G3BP2: variants seen among roughly 807,000 people sequenced by gnomAD.
G3BP2 encodes G3BP stress granule assembly factor 2, also known as ras GTPase-activating protein-binding protein 2.
A neutral mutation model predicts 56.7 loss-of-function variants in G3BP2; 11 were observed. The observed-to-expected ratio is 0.19, with a 90% CI of 0.12 to 0.32. G3BP2 has a LOEUF of 0.32. G3BP2 is among the 10% of genes least tolerant of loss of function. The pLI, the probability that G3BP2 is intolerant of heterozygous loss-of-function variation, is 1.00. For missense variants in G3BP2, 340 were observed against 610.9 expected (o/e 0.56, Z 4.67); for synonymous variants, 165 against 191.6 (o/e 0.86, Z 1.15).
chr4:75,659,058 C>T (rs528351624), intron 2 of G3BP2, 134 bp from the exon 3 acceptor site: 1 of 681,234 alleles, frequency 1.5e-6, no homozygotes, highest in African/African-American at 1.8e-5. Flanking sequence ...AGGTAAGTTA[C>T]TTAAGGTCTT....
intron 3 of G3BP2, among the ~76,000 whole-genome samples, chr4:75,680,530 T>C (rs1734031493): frequency 6.6e-6 from 1 of 152,192 alleles, no homozygotes; most frequent in Non-Finnish European, 1.5e-5. Context: ...ATTCCTGTTA[T>C]AAAACCGAGG....
chr4:75,655,843 T>C lies in G3BP2; in HGVS notation c.470A>G (p.Gln157Arg). 9 of 1,588,764 alleles carry C rather than the reference T, an allele frequency of 5.7e-6. No homozygotes were observed. Among genetic ancestry groups the C allele is most frequent in the Non-Finnish European group, 7.8e-6 (9 of 1,156,972 alleles). Residue 157 changes from glutamine (Q) to arginine (R), a missense_variant, in exon 6 of 12, where the codon CAA becomes CGA. This residue lies in a region of G3BP2 where 224 missense variants were observed against 332.5 expected (regional missense o/e 0.67). Coordinates refer to ENST00000359707, the MANE Select transcript of G3BP2 (RefSeq NM_203505.3). The part of the protein sequence containing the change: ...EESEDEVEEE[Q>R]EERQPSPEPV... Reference sequence around the variant, plus strand: ...TTCAGGAGATGGTTGTCTTTCTTCTTGTTCCTCTTCTACTTCATCTTCTGA... The same window carrying C: ...TTCAGGAGATGGTTGTCTTTCTTCTCGTTCCTCTTCTACTTCATCTTCTGA...
rs540192237 is a variant in G3BP2, at chr4:75,687,338, C to T, written c.-24-25289G>A. On this transcript the variant is annotated intron_variant, in intron 3 of 3. Transcript: ENST00000499709. ...CCTGCACAGGCTTTCTGTCTTTGCC[C>T]TCTGCCATCCATGTAAGACATGACT... 2.0e-4 allele frequency among the ~76,000 whole-genome samples: 30 copies of T among 152,282 alleles called. No homozygotes were observed. In the South Asian group the frequency reaches 6.2e-3, roughly 32 times the overall value.
intron 3 of G3BP2, among the ~76,000 whole-genome samples, chr4:75,683,420 T>C (rs1316522186): frequency 6.6e-6 from 1 of 151,900 alleles, no homozygotes; most frequent in Non-Finnish European, 1.5e-5. Context: ...AAAAATTAGC[T>C]GGGCGTGGTG....
intron 1 of G3BP2, among the ~76,000 whole-genome samples, chr4:75,666,954 A>C (rs1418591999): frequency 6.6e-6 from 1 of 152,162 alleles, no homozygotes; most frequent in Non-Finnish European, 1.5e-5. Context: ...TTGAGAAGAA[A>C]TCCCCGGTCA....
At chr4:75,692,053 T>C (rs760559353) in intron 3 of G3BP2, among the ~76,000 whole-genome samples, 3 of 152,204 alleles carry the variant, frequency 2.0e-5, no homozygotes, top group African/African-American at 7.2e-5. Flanking sequence ...CTAGGGCATA[T>C]TAGGTTTTTA....
chr4:75,712,705 A>G (rs979694704), intron 3 of G3BP2, among the ~76,000 whole-genome samples: 2 of 152,188 alleles, frequency 1.3e-5, no homozygotes, highest in Non-Finnish European at 2.9e-5. Context: ...AAAAGTGAAC[A>G]ATTATCTTGA....
chr4:75,694,038 G>A (rs1253814616), intron 3 of G3BP2, among the ~76,000 whole-genome samples: 1 of 152,088 alleles, frequency 6.6e-6, no homozygotes, highest in Admixed American at 6.6e-5. Context: ...ACTATGCCCA[G>A]CCATATCTGA....
chr4:75,660,791 C>T (rs13141390), intron 2 of G3BP2, among the ~76,000 whole-genome samples: 35,176 of 152,036 alleles, frequency 0.23, 4,319 homozygotes, highest in Middle Eastern at 0.36. Context: ...TTCTGCAATA[C>T]TTACAAAGTC....
At chr4:75,673,585 C>A (rs1733699305), upstream of G3BP2, 2 of 1,231,864 alleles carry the variant, frequency 1.6e-6, no homozygotes, top group Admixed American at 8.4e-5. Flanking sequence ...CACGCTCGCG[C>A]CCGGAAAGCC....
chr4:75,698,099 T>G (rs968162804), intron 3 of G3BP2, among the ~76,000 whole-genome samples: 2 of 152,222 alleles, frequency 1.3e-5, no homozygotes, highest in South Asian at 4.1e-4. Flanking sequence ...ATATATTTCC[T>G]TACAGAACAA....
At chr4:75,723,936 T>C (rs1344632072) in intron 1 of G3BP2, 1 of 151,988 alleles carries the variant, frequency 6.6e-6, no homozygotes, top group Non-Finnish European at 1.5e-5. Context: ...GGTTGAGAGT[T>C]AATAACGAAA....
chr4:75,720,281 G>A (rs1362533270), intron 3 of G3BP2, among the ~76,000 whole-genome samples: 1 of 151,236 alleles, frequency 6.6e-6, no homozygotes, highest in Non-Finnish European at 1.5e-5. Flanking sequence ...CTGGGAGGCC[G>A]AGGCGGGCGG....
chr4:75,651,019 C>A (rs1430483285), intron 8 of G3BP2, among the ~76,000 whole-genome samples: 1 of 152,142 alleles, frequency 6.6e-6, no homozygotes, highest in African/African-American at 2.4e-5. Flanking sequence ...GACAAAGATA[C>A]GTAAGTGACA....
intron 3 of G3BP2, among the ~76,000 whole-genome samples, chr4:75,710,024 T>C (rs992160451): frequency 1.3e-5 from 2 of 152,212 alleles, no homozygotes; most frequent in Non-Finnish European, 2.9e-5. Context: ...AAAGAGCTTA[T>C]TGAACATATG....
chr4:75,693,366 A>G (rs1436164441), intron 3 of G3BP2, among the ~76,000 whole-genome samples: 1 of 152,256 alleles, frequency 6.6e-6, no homozygotes. Flanking sequence ...CAATGAGGAC[A>G]TCAGTAGCTG....
chr4:75,682,097 A>G (rs57351608), intron 3 of G3BP2, among the ~76,000 whole-genome samples: 1,531 of 152,070 alleles, frequency 0.01, 26 homozygotes, highest in African/African-American at 0.035. Flanking sequence ...TCATCACACT[A>G]CTCAGAATGG....
rs575416136 is a variant in G3BP2, at chr4:75,643,703, T to G, written c.*1727A>C. 1.0e-4 allele frequency: 16 copies of G among 152,718 alleles called. No individual in the cohort carries two copies. Among genetic ancestry groups the G allele is most frequent in the South Asian group, 2.1e-4 (1 of 4,828 alleles). 9.5% of individuals were successfully genotyped at this position (152,718 alleles called of 1,614,324 possible). ...AACAGTTGCATAATTCAGAACCAAT[T>G]TGCTACTATGTCAAGTGCATATCTT... On this transcript the variant is annotated 3_prime_UTR_variant, in exon 12 of 12. Coordinates refer to ENST00000359707, the MANE Select transcript of G3BP2 (RefSeq NM_203505.3).
chr4:75,697,335 T>TATGGATG (rs1413920306), intron 3 of G3BP2, among the ~76,000 whole-genome samples: 1 of 148,390 alleles, frequency 6.7e-6, no homozygotes, highest in Non-Finnish European at 1.5e-5. Context: ...TTGAAATACT[T>TATGGATG]ATGGATGATA....
Sources: allele counts gnomAD v4.1 joint callset (sites outside exome capture counted in the v4.1 genomes callset), GRCh38; gene constraint gnomAD v4.1.1; regional missense constraint gnomAD v4.1.1; transcripts MANE v1.5; gene names NCBI Gene and HGNC (gene_info 2026-07-23, HGNC 2026-07-21).